TBX5: variants seen among roughly 807,000 people sequenced by gnomAD.
TBX5 encodes the protein T-box transcription factor TBX5.
A neutral mutation model predicts 51.1 loss-of-function variants in TBX5; 8 were observed. The observed-to-expected ratio is 0.16, with a 90% CI of 0.09 to 0.28. The LOEUF is 0.28. Ranked by LOEUF, TBX5 falls within the 10% of genes least tolerant of loss-of-function variation. TBX5 has a pLI of 1.00. For missense variants in TBX5, 589 were observed against 671.7 expected (o/e 0.88, Z 1.36); for synonymous variants, 302 against 266.4 (o/e 1.13, Z -1.30).
intron 2 of TBX5, 31 bp downstream of exon 2, chr12:114,403,721 C>G (rs1185981841): frequency 6.2e-7 from 1 of 1,609,982 alleles, no homozygotes; most frequent in Non-Finnish European, 8.5e-7. Context: ...TTGATCTCTG[C>G]AAAGGGACCC....
chr12:114,380,618 G>T (rs1335399120), intron 7 of TBX5, among the ~76,000 whole-genome samples: 1 of 151,800 alleles, frequency 6.6e-6, no homozygotes, highest in East Asian at 1.9e-4. Context: ...CATGAGGATT[G>T]CTTGAGACCA....
At chr12:114,395,175 C>T (rs1380710876) in intron 5 of TBX5, among the ~76,000 whole-genome samples, 1 of 152,194 alleles carries the variant, frequency 6.6e-6, no homozygotes, top group Non-Finnish European at 1.5e-5. Flanking sequence ...AATAAATTAA[C>T]TCCCTGCATA....
Position 114,405,652 on chromosome 12 carries a change from C to T in TBX5, c.-63G>A. ...CCTCGTTCGGTGAAGCCGGTGCATT[C>T]ACCACATCCTCTGCTGCTCCTAGCA... On this transcript the variant is annotated 5_prime_UTR_variant, in exon 1 of 9. It removes the in-frame stop codon of an upstream open reading frame in the 5' UTR. Transcript: ENST00000405440. 1.0e-6 allele frequency: 1 copy of T among 969,222 alleles called. No homozygotes were observed. The highest frequency in any genetic ancestry group is 1.2e-6 in the Non-Finnish European group (1 of 815,144). 60.0% of individuals were successfully genotyped at this position (969,222 alleles called of 1,614,324 possible).
At chr12:114,390,570 G>T (rs892885031) in intron 6 of TBX5, among the ~76,000 whole-genome samples, 2 of 152,146 alleles carry the variant, frequency 1.3e-5, no homozygotes, top group Admixed American at 1.3e-4. Context: ...CCCTCACGAG[G>T]ACCAAAAATC....
intron 5 of TBX5, among the ~76,000 whole-genome samples, chr12:114,397,735 C>A (rs900100832): frequency 1.3e-5 from 2 of 152,150 alleles, no homozygotes; most frequent in African/African-American, 2.4e-5. Context: ...TTTACATTCG[C>A]CTGCTCTGGG....
intron 7 of TBX5, among the ~76,000 whole-genome samples, chr12:114,371,532 TTGGCCTTTTCATGGG>T (rs749917200): frequency 6.7e-4 from 102 of 151,928 alleles, no homozygotes; most frequent in Non-Finnish European, 1.1e-3. Flanking sequence ...GCCGACTGAA[TTGGCCTTTTCATGGG>T]AGCAGGTGGC....
At chr12:114,367,435 A>G (rs1457513014) in intron 7 of TBX5, among the ~76,000 whole-genome samples, 1 of 152,124 alleles carries the variant, frequency 6.6e-6, no homozygotes, top group Non-Finnish European at 1.5e-5. Flanking sequence ...TAGGTATAGC[A>G]TCCCTCAGTG....
intron 7 of TBX5, among the ~76,000 whole-genome samples, chr12:114,373,904 A>G (rs1870057739): frequency 6.6e-6 from 1 of 152,230 alleles, no homozygotes; most frequent in Non-Finnish European, 1.5e-5. Context: ...CTTTTACATG[A>G]TTTTGGAACA....
chr12:114,377,053 C>T (rs999799368), intron 7 of TBX5, among the ~76,000 whole-genome samples: 34 of 152,284 alleles, frequency 2.2e-4, no homozygotes, highest in African/African-American at 7.5e-4. Flanking sequence ...GCTCAGCTCC[C>T]CAGACACAAC....
chr12:114,398,478 G>C (rs971086552), intron 5 of TBX5, 95 bp downstream of exon 5: 1 of 1,513,186 alleles, frequency 6.6e-7, no homozygotes. Flanking sequence ...GAGAAATGTA[G>C]GCACACAGAG....
At chr12:114,399,413 CT>C (rs1871650134) in intron 4 of TBX5, 99 bp downstream of exon 4, 9 of 1,247,908 alleles carry the variant, frequency 7.2e-6, no homozygotes, top group Middle Eastern at 3.9e-4. Context: ...ACAGTAGGAA[CT>C]AAAAAAAAAA....
At chr12:114,396,899 C>A (rs1871463947) in intron 5 of TBX5, among the ~76,000 whole-genome samples, 1 of 152,146 alleles carries the variant, frequency 6.6e-6, no homozygotes, top group East Asian at 1.9e-4. Flanking sequence ...GACTCGTGGG[C>A]AAAACACCCG....
chr12:114,384,745 A>ACACACACAAC (rs10629159), intron 7 of TBX5, among the ~76,000 whole-genome samples: 4,109 of 115,008 alleles, frequency 0.036, 71 homozygotes, highest in South Asian at 0.082. Context: ...ACACACACAC[A>ACACACACAAC]ACACACACAC....
chr12:114,376,849 G>A (rs1267734753), intron 7 of TBX5, among the ~76,000 whole-genome samples: 1 of 151,314 alleles, frequency 6.6e-6, no homozygotes, highest in Non-Finnish European at 1.5e-5. Flanking sequence ...AGATGGGTGA[G>A]TGAGTTTCTC....
At chr12:114,388,087 A>C (rs1458764221) in intron 6 of TBX5, among the ~76,000 whole-genome samples, 1 of 152,092 alleles carries the variant, frequency 6.6e-6, no homozygotes, top group Admixed American at 6.5e-5. Flanking sequence ...GAGCTCAAGC[A>C]ATCCTCCTGC....
intron 5 of TBX5, among the ~76,000 whole-genome samples, chr12:114,395,879 G>T (rs139695640): frequency 1.3e-5 from 2 of 152,210 alleles, no homozygotes; most frequent in Admixed American, 1.3e-4. Flanking sequence ...TGGAGCCAGG[G>T]CTAGTCACAG....
intron 6 of TBX5, among the ~76,000 whole-genome samples, chr12:114,393,742 G>A (rs557460188): frequency 1.3e-5 from 2 of 152,184 alleles, no homozygotes; most frequent in South Asian, 2.1e-4. Flanking sequence ...ACAGCATACC[G>A]CCCCTACACC....
intron 7 of TBX5, among the ~76,000 whole-genome samples, chr12:114,367,412 T>C (rs1869607931): frequency 6.6e-6 from 1 of 152,078 alleles, no homozygotes; most frequent in African/African-American, 2.4e-5. Context: ...ATAATAAAAA[T>C]TCCATGACAT....
chr12:114,381,630 G>GC (rs1325953443), intron 7 of TBX5, among the ~76,000 whole-genome samples: 3 of 152,126 alleles, frequency 2.0e-5, no homozygotes, highest in African/African-American at 7.2e-5. Context: ...ACTTATCTAT[G>GC]CCCCTCCTGC....
Sources: gnomAD v4.1 joint callset for allele counts (sites outside exome capture counted in the v4.1 genomes callset) on GRCh38, gnomAD v4.1.1 for gene constraint, MANE v1.5 for transcripts, NCBI Gene and HGNC (gene_info 2026-07-23, HGNC 2026-07-21) for gene names.